The following MED15 variants were observed in gnomAD, a reference collection of about 807,000 sequenced individuals.
MED15 encodes mediator of RNA polymerase II transcription subunit 15.
A neutral mutation model predicts 118.7 loss-of-function variants in MED15; 41 were observed. That is an observed-to-expected ratio of 0.35 (90% CI 0.27 to 0.45). The LOEUF is 0.45. MED15 is among the 20% of genes least tolerant of loss of function. The pLI, the probability that MED15 is intolerant of heterozygous loss-of-function variation, is 1.00. For synonymous variants in MED15, 436 were observed against 413.9 expected (o/e 1.05, Z -0.65); for missense variants, 740 against 1,025.5 (o/e 0.72, Z 3.80).
rs1035960765 is a variant in MED15 at position 20,568,389 on chromosome 22, C to T, written c.1042-132C>T. Reference sequence around the variant, plus strand: ...CTAGATGGCCAGTAAGGTGACATCACAGCACATGAGGTCATGAAAGTCCCA... The same window carrying T: ...CTAGATGGCCAGTAAGGTGACATCATAGCACATGAGGTCATGAAAGTCCCA... On this transcript the variant is annotated intron_variant, in intron 7 of 17. Transcript: ENST00000263205. 21 of 1,363,884 alleles carry T rather than the reference C, an allele frequency of 1.5e-5. 1 individual carries two copies. In the South Asian group the frequency reaches 2.6e-4, roughly 17 times the overall value. 84.5% of individuals were successfully genotyped at this position (1,363,884 alleles called of 1,614,324 possible).
At chr22:20,557,403 C>G (rs567412799) in intron 5 of MED15, among the ~76,000 whole-genome samples, 1 of 152,200 alleles carries the variant, frequency 6.6e-6, no homozygotes, top group Admixed American at 6.5e-5. Flanking sequence ...ACTCTCAGCA[C>G]GTGCTGGTTT....
chr22:20,574,983 C>T lies in MED15; in HGVS notation c.1153-130C>T, dbSNP rs1160280344. ...GTGGGTGGCCTCCCCTCCCAGGCTG[C>T]CCCGAGCTGCCCAAGCTTTCCTTGC... On this transcript the variant is annotated intron_variant, in intron 8 of 17. Coordinates refer to ENST00000263205, the MANE Select transcript of MED15 (RefSeq NM_001003891.3). 36 of 1,405,958 alleles carry T rather than the reference C, an allele frequency of 2.6e-5. No homozygotes were observed. The East Asian group carries it at 6.7e-4, about 26-fold the overall frequency. 87.1% of individuals were successfully genotyped at this position (1,405,958 alleles called of 1,614,324 possible).
chr22:20,586,940 T>C lies in MED15; in HGVS notation c.*236T>C, dbSNP rs186738492. ...CCGACTTCTTAGAGAAGGCCCTCCA[T>C]GTGACTTCCTCCCAGGAGCCAGATG... On this transcript the variant is annotated 3_prime_UTR_variant, in exon 18 of 18. Transcript: ENST00000263205. 3.9e-4 allele frequency: 230 copies of C among 595,774 alleles called. 1 individual carries two copies. The highest frequency in any genetic ancestry group is 6.3e-4 in the Non-Finnish European group (217 of 344,460). 36.9% of individuals were successfully genotyped at this position (595,774 alleles called of 1,614,324 possible). A position where few individuals can be genotyped will look rare whatever the true frequency, so the allele number is the denominator to read the frequency against.
Position 20,551,554 on chromosome 22 carries a change from G to A in MED15, c.208+67G>A, listed in dbSNP as rs549041124. ...GAGAGGCCAGCCCTGACGCTGCCTC[G>A]GCAGAGCTTTCTGGGCAGGCCGTGG... On this transcript the variant is annotated intron_variant, in intron 3 of 17. Coordinates refer to ENST00000263205, the MANE Select transcript of MED15 (RefSeq NM_001003891.3). 7.6e-4 allele frequency: 1,113 copies of A among 1,469,878 alleles called. 19 individuals are homozygous for A. The South Asian group carries it at 0.012, about 15-fold the overall frequency. 91.1% of individuals were successfully genotyped at this position (1,469,878 alleles called of 1,614,324 possible). A position where few individuals can be genotyped will look rare whatever the true frequency, so the allele number is the denominator to read the frequency against.
Position 20,587,083 on chromosome 22 carries a change from G to T in MED15, c.*379G>T, listed in dbSNP as rs1426483756. 6 of 260,882 alleles carry T rather than the reference G, an allele frequency of 2.3e-5. No homozygotes were observed. Among genetic ancestry groups the T allele is most frequent in the Non-Finnish European group, 3.8e-5 (5 of 132,990 alleles). The allele number at this position is 260,882 out of a possible 1,614,324, so 16.2% of individuals were successfully genotyped here. On this transcript the variant is annotated 3_prime_UTR_variant, in exon 18 of 18. Coordinates refer to ENST00000263205, the MANE Select transcript of MED15 (RefSeq NM_001003891.3). ...GTGTGTGCTAGACGCACCCCTACTC[G>T]TTCCTATAGAACACAGAGGACATAG...
At chr22:20,507,956 C>G in intron 1 of MED15, 1 of 1,438,660 alleles carries the variant, frequency 7.0e-7, no homozygotes, top group Non-Finnish European at 9.1e-7. Context: ...CCGAGCTCTG[C>G]AAACCAACGA....
intron 1 of MED15, among the ~76,000 whole-genome samples, chr22:20,516,596 C>T (rs2054266264): frequency 6.6e-6 from 1 of 151,994 alleles, no homozygotes; most frequent in East Asian, 1.9e-4. Flanking sequence ...GGTCTTCCAG[C>T]TATTACTGGT....
chr22:20,530,603 G>A (rs2054817040), intron 1 of MED15, among the ~76,000 whole-genome samples: 1 of 152,172 alleles, frequency 6.6e-6, no homozygotes, highest in Non-Finnish European at 1.5e-5. Context: ...AAAGAGGGTG[G>A]GGTCAGGGGA....
At chr22:20,548,530 T>G (rs547169516) in intron 2 of MED15, among the ~76,000 whole-genome samples, 1 of 152,184 alleles carries the variant, frequency 6.6e-6, no homozygotes, top group Non-Finnish European at 1.5e-5. Context: ...CCCATAACAC[T>G]GTGGATTTAG....
At chr22:20,527,454 T>G (rs1453319140) in intron 1 of MED15, among the ~76,000 whole-genome samples, 2 of 118,238 alleles carry the variant, frequency 1.7e-5, no homozygotes, top group African/African-American at 2.7e-5. Flanking sequence ...AATTCTACCG[T>G]TTTTTTTGAT....
intron 8 of MED15, among the ~76,000 whole-genome samples, chr22:20,572,263 C>T (rs974456438): frequency 6.6e-6 from 1 of 152,210 alleles, no homozygotes; most frequent in African/African-American, 2.4e-5. Context: ...ACACAGTGGA[C>T]ATCAGGACGT....
intron 5 of MED15, among the ~76,000 whole-genome samples, chr22:20,556,394 C>T (rs561548730): frequency 4.5e-4 from 69 of 151,772 alleles, no homozygotes; most frequent in African/African-American, 1.5e-3. Context: ...TTCTGCCTTC[C>T]GAGTTCAAGC....
In MED15 at chr22:20,584,849, C is replaced by T. The variant is rs1601652356; in HGVS notation, c.1804-6C>T. The T allele has an allele frequency of 1.2e-5, 20 of 1,611,314 alleles. No homozygotes were observed. The highest frequency in any genetic ancestry group is 1.1e-4 in the African/African-American group (8 of 74,960). ...GGGCTGCTGACCGTGCCCATCCTGT[C>T]TCCAGCCCACTCCCCCACCGCCCCC... On this transcript the variant is annotated splice_polypyrimidine_tract_variant and splice_region_variant and intron_variant, in intron 14 of 17. Coordinates refer to ENST00000263205, the MANE Select transcript of MED15 (RefSeq NM_001003891.3).
At chr22:20,554,869 C>A in intron 4 of MED15, 67 bp from the exon 5 acceptor site, 1 of 1,453,338 alleles carries the variant, frequency 6.9e-7, no homozygotes, top group East Asian at 2.3e-5. Context: ...GTGAGCCTTA[C>A]GCCCTTTGAG....
intron 1 of MED15, among the ~76,000 whole-genome samples, chr22:20,526,205 T>G (rs150686950): frequency 1.7e-4 from 26 of 152,312 alleles, no homozygotes; most frequent in African/African-American, 5.3e-4. Flanking sequence ...TTTTAATTAC[T>G]TTAAATTTTA....
chr22:20,546,502 G>GTTTTTTTTTTTTTTTTTTTTTTTTTT (rs139110861), intron 2 of MED15, among the ~76,000 whole-genome samples: 1 of 109,400 alleles, frequency 9.1e-6, no homozygotes. Context: ...GTTACATGGA[G>GTTTTTTTTTTTTTTTTTTTTTTTTTT]TTTTTTTTGT....
intron 2 of MED15, among the ~76,000 whole-genome samples, chr22:20,543,363 C>A (rs1174373305): frequency 6.6e-6 from 1 of 150,662 alleles, no homozygotes; most frequent in Admixed American, 6.7e-5. Context: ...AGGTGCCCAC[C>A]ACCACACCCA....
At chr22:20,551,700 C>G (rs1167422100) in intron 3 of MED15, 1 of 601,018 alleles carries the variant, frequency 1.7e-6, no homozygotes, top group Non-Finnish European at 3.0e-6. Flanking sequence ...CTGATTCTAG[C>G]ATCATGGAAA....
At chr22:20,508,548 A>C (rs951094786) in intron 1 of MED15, 9 of 502,642 alleles carry the variant, frequency 1.8e-5, no homozygotes, top group Non-Finnish European at 2.9e-5. Flanking sequence ...AGGATTTGGG[A>C]AGGTAATGGA....
Sources: allele counts gnomAD v4.1 joint callset (sites outside exome capture counted in the v4.1 genomes callset), GRCh38; gene constraint gnomAD v4.1.1; transcripts MANE v1.5; gene names NCBI Gene and HGNC (gene_info 2026-07-23, HGNC 2026-07-21).